The following DOCK4 variants were observed in gnomAD, a reference collection of about 807,000 sequenced individuals.
The protein encoded by DOCK4 is dedicator of cytokinesis 4, also known as dedicator of cytokinesis protein 4.
Under a neutral mutation model 268.1 loss-of-function variants are expected in DOCK4, and 97 were observed. That is an observed-to-expected ratio of 0.36 (90% CI 0.31 to 0.43). The LOEUF is 0.43. DOCK4 is among the 20% of genes least tolerant of loss of function. The pLI, the probability that DOCK4 is intolerant of heterozygous loss-of-function variation, is 1.00. For missense variants in DOCK4, 2,145 were observed against 2,455.7 expected (o/e 0.87, Z 2.67); for synonymous variants, 954 against 887.2 (o/e 1.08, Z -1.34).
chr7:111,881,096 A>G (rs1807345849), intron 16 of DOCK4, among the ~76,000 whole-genome samples: 1 of 152,168 alleles, frequency 6.6e-6, no homozygotes, highest in Non-Finnish European at 1.5e-5. Flanking sequence ...CAAGTCAAAA[A>G]GCTGCACAGC....
intron 8 of DOCK4, among the ~76,000 whole-genome samples, chr7:111,955,591 G>C (rs754743870): frequency 1.3e-5 from 2 of 152,050 alleles, no homozygotes; most frequent in Non-Finnish European, 2.9e-5. Context: ...TCTCCGTCAC[G>C]CTATTTGTCT....
chr7:111,843,866 CAT>C (rs1249154795), intron 25 of DOCK4, among the ~76,000 whole-genome samples: 1 of 152,102 alleles, frequency 6.6e-6, no homozygotes, highest in African/African-American at 2.4e-5. Context: ...ATTTCAAAAT[CAT>C]ATGAGGTTAC....
At chr7:111,732,691 T>C (rs564557425) in intron 51 of DOCK4, among the ~76,000 whole-genome samples, 1 of 152,172 alleles carries the variant, frequency 6.6e-6, no homozygotes, top group Non-Finnish European at 1.5e-5. Flanking sequence ...TGAGCACCAA[T>C]GGGAACACCA....
At chr7:112,115,974 C>T (rs777901135) in intron 1 of DOCK4, among the ~76,000 whole-genome samples, 1 of 152,150 alleles carries the variant, frequency 6.6e-6, no homozygotes, top group African/African-American at 2.4e-5. Context: ...CCACCATGCT[C>T]GGCCTATTTT....
chr7:111,909,761 A>G (rs1791934145), intron 13 of DOCK4, among the ~76,000 whole-genome samples: 1 of 152,124 alleles, frequency 6.6e-6, no homozygotes, highest in Non-Finnish European at 1.5e-5. Flanking sequence ...GGAGTGTTCA[A>G]GACCAGCCTG....
intron 17 of DOCK4, among the ~76,000 whole-genome samples, chr7:111,875,189 G>A (rs17451047): frequency 0.11 from 16,528 of 152,158 alleles, 1,153 homozygotes; most frequent in Non-Finnish European, 0.15. Flanking sequence ...CTCCAAAGAT[G>A]AGCCAATCAT....
rs564963411 is a variant in DOCK4, at chr7:111,897,542, C to T, written c.1481-1824G>A. On this transcript the variant is annotated intron_variant, in intron 15 of 52. Coordinates refer to ENST00000428084, the MANE Select transcript of DOCK4 (RefSeq NM_001363540.2). ...ATGTGCTGGAGCTGGATCATACTGG[C>T]CCGTAAGAGCTGAGAGTGCACATCT... Among the ~76,000 whole-genome samples, 3 of 152,204 alleles carry T rather than the reference C, an allele frequency of 2.0e-5. No homozygotes were observed. In the South Asian group the frequency reaches 6.2e-4, roughly 32 times the overall value.
At chr7:111,766,970 C>T in intron 38 of DOCK4, 62 bp downstream of exon 38, 1 of 1,311,398 alleles carries the variant, frequency 7.6e-7, no homozygotes, top group Non-Finnish European at 1.1e-6. Flanking sequence ...CATAGAACCA[C>T]ACTGGAAAGC....
intron 1 of DOCK4, among the ~76,000 whole-genome samples, chr7:112,049,835 A>T (rs1805186259): frequency 6.6e-6 from 1 of 152,220 alleles, no homozygotes; most frequent in African/African-American, 2.4e-5. Context: ...AACAGAGCTG[A>T]AAAATACATC....
chr7:111,828,540 G>T (rs2133997741), intron 26 of DOCK4, among the ~76,000 whole-genome samples: 1 of 151,972 alleles, frequency 6.6e-6, no homozygotes, highest in Non-Finnish European at 1.5e-5. Flanking sequence ...AGCAACATTA[G>T]GAATAAAAAA....
chr7:112,001,198 G>T (rs1476868904), intron 2 of DOCK4, among the ~76,000 whole-genome samples: 1 of 152,112 alleles, frequency 6.6e-6, no homozygotes, highest in Non-Finnish European at 1.5e-5. Context: ...TATTATAGTA[G>T]GCCCTTCTTA....
intron 8 of DOCK4, chr7:111,953,900 C>T (rs1796251083): frequency 6.6e-6 from 1 of 152,230 alleles, no homozygotes; most frequent in South Asian, 2.1e-4. Context: ...CAGTTATTTG[C>T]CTTCCTAGAA....
chr7:111,926,019 C>T (rs1020672758), intron 12 of DOCK4, among the ~76,000 whole-genome samples: 2 of 147,284 alleles, frequency 1.4e-5, no homozygotes, highest in Non-Finnish European at 3.0e-5. Context: ...CACTTGAACC[C>T]GGGAGGCGGA....
chr7:111,802,916 G>A (rs539048579), intron 30 of DOCK4, among the ~76,000 whole-genome samples: 3 of 152,092 alleles, frequency 2.0e-5, no homozygotes, highest in African/African-American at 7.2e-5. Flanking sequence ...ATTGTTATCA[G>A]TCTACTTGTA....
chr7:112,067,686 C>T (rs752630406), intron 1 of DOCK4, among the ~76,000 whole-genome samples: 5 of 152,168 alleles, frequency 3.3e-5, no homozygotes, highest in South Asian at 2.1e-4. Flanking sequence ...CTAGAACTTA[C>T]GGCTTTGACT....
chr7:111,971,810 C>A, intron 8 of DOCK4: 1 of 299,268 alleles, frequency 3.3e-6, no homozygotes, highest in South Asian at 3.7e-5. Context: ...GGGGATGGCT[C>A]TTTGCCACAG....
chr7:111,784,413 A>G (rs767558306), intron 32 of DOCK4: 9 of 612,392 alleles, frequency 1.5e-5, no homozygotes, highest in Non-Finnish European at 2.7e-5. Context: ...TCATCCAAGC[A>G]ATTTTACTGC....
intron 21 of DOCK4, among the ~76,000 whole-genome samples, chr7:111,868,465 C>T (rs1315977580): frequency 1.3e-5 from 2 of 152,178 alleles, no homozygotes; most frequent in East Asian, 3.9e-4. Flanking sequence ...AATCCCAGCA[C>T]TTTGGGAGGC....
chr7:111,858,103 G>A (rs1404937113), intron 23 of DOCK4, among the ~76,000 whole-genome samples: 2 of 152,198 alleles, frequency 1.3e-5, no homozygotes, highest in African/African-American at 4.8e-5. Flanking sequence ...GCTCTGTCCA[G>A]CTGTGAGGCT....
Sources: allele counts gnomAD v4.1 joint callset (sites outside exome capture counted in the v4.1 genomes callset), GRCh38; gene constraint gnomAD v4.1.1; transcripts MANE v1.5; gene names NCBI Gene and HGNC (gene_info 2026-07-23, HGNC 2026-07-21).